Variants in ANK3 observed in about 807,000 individuals in gnomAD.
ANK3 encodes the protein ankyrin-3.
A neutral mutation model predicts 370.9 loss-of-function variants in ANK3; 57 were observed. The observed-to-expected ratio is 0.15, with a 90% CI of 0.12 to 0.19. The LOEUF (loss-of-function observed/expected upper bound fraction) is 0.19, where lower values mean the gene tolerates loss of function less well. Ranked by LOEUF, ANK3 falls within the 10% of genes least tolerant of loss-of-function variation. The pLI, the probability that ANK3 is intolerant of heterozygous loss-of-function variation, is 1.00. For missense variants in ANK3, 4,439 were observed against 5,302.1 expected (o/e 0.84, Z 5.06); for synonymous variants, 1,929 against 1,946.3 (o/e 0.99, Z 0.23).
intron 10 of ANK3, among the ~76,000 whole-genome samples, chr10:60,206,291 G>A (rs1395131957): frequency 1.3e-5 from 2 of 152,020 alleles, no homozygotes; most frequent in Admixed American, 6.6e-5. Context: ...TGGCCAACAC[G>A]GTGAAACCCC....
intron 8 of ANK3, among the ~76,000 whole-genome samples, chr10:60,218,720 T>C (rs1031807765): frequency 3.3e-5 from 5 of 152,120 alleles, no homozygotes; most frequent in African/African-American, 1.2e-4. Context: ...TAACAGTTTT[T>C]CCTTCATTTA....
At chr10:60,666,567 G>C (rs760558777) in intron 1 of ANK3, among the ~76,000 whole-genome samples, 67 of 152,006 alleles carry the variant, frequency 4.4e-4, no homozygotes, top group Non-Finnish European at 6.9e-4. Context: ...TAGTTAAGAT[G>C]GTGACTTTTA....
At chr10:60,232,412 T>C (rs1592143661) in intron 8 of ANK3, among the ~76,000 whole-genome samples, 1 of 152,212 alleles carries the variant, frequency 6.6e-6, no homozygotes, top group Non-Finnish European at 1.5e-5. Flanking sequence ...AATGCATCTC[T>C]ACTTTTTATT....
At chr10:60,721,582 G>T (rs2132025322) in intron 1 of ANK3, among the ~76,000 whole-genome samples, 1 of 152,244 alleles carries the variant, frequency 6.6e-6, no homozygotes, top group Non-Finnish European at 1.5e-5. Flanking sequence ...AACAAAGATT[G>T]GATTCAATGG....
At chr10:60,486,309 T>C (rs140656002) in intron 2 of ANK3, among the ~76,000 whole-genome samples, 3,347 of 152,342 alleles carry the variant, frequency 0.022, 46 homozygotes, top group Non-Finnish European at 0.035. Flanking sequence ...TCAGGCGCAA[T>C]GGCTCATGCC....
intron 8 of ANK3, among the ~76,000 whole-genome samples, chr10:60,226,050 T>G (rs1311344479): frequency 7.0e-6 from 1 of 142,862 alleles, no homozygotes; most frequent in Non-Finnish European, 1.5e-5. Flanking sequence ...TAATAGAGAG[T>G]GTATATAGTA....
chr10:60,123,127 C>T (rs2093588923), intron 25 of ANK3, among the ~76,000 whole-genome samples: 1 of 152,140 alleles, frequency 6.6e-6, no homozygotes, highest in Non-Finnish European at 1.5e-5. Context: ...AATACGAAGT[C>T]AACACCTAGC....
chr10:60,333,133 T>C (rs1251167108), intron 1 of ANK3, among the ~76,000 whole-genome samples: 1 of 152,172 alleles, frequency 6.6e-6, no homozygotes, highest in South Asian at 2.1e-4. Flanking sequence ...CAAATTTCCA[T>C]AGTGTGTTTT....
chr10:60,341,731 G>A (rs1300749436), intron 1 of ANK3, among the ~76,000 whole-genome samples: 1 of 152,140 alleles, frequency 6.6e-6, no homozygotes, highest in South Asian at 2.1e-4. Flanking sequence ...AGCACTGAGT[G>A]ATTGGTTTTT....
intron 2 of ANK3, among the ~76,000 whole-genome samples, chr10:60,395,016 T>G (rs1251038157): frequency 2.0e-5 from 3 of 152,200 alleles, no homozygotes; most frequent in South Asian, 2.1e-4. Context: ...ATGTGAGTAG[T>G]GTAACTGGAG....
chr10:60,032,201 T>TTTTTTTTTTTTTTTG, intron 43 of ANK3, among the ~76,000 whole-genome samples: 1 of 115,590 alleles, frequency 8.7e-6, no homozygotes, highest in Non-Finnish European at 1.9e-5. Flanking sequence ...CTTCTTTTTT[T>TTTTTTTTTTTTTTTG]TTTTTTTTTT....
intron 42 of ANK3, among the ~76,000 whole-genome samples, chr10:60,052,669 T>C (rs1003979327): frequency 6.6e-6 from 1 of 152,172 alleles, no homozygotes. Context: ...TTAGATGCCA[T>C]GGGGAAGAGT....
intron 1 of ANK3, among the ~76,000 whole-genome samples, chr10:60,627,467 G>A (rs958762295): frequency 3.3e-5 from 5 of 151,946 alleles, no homozygotes; most frequent in African/African-American, 9.7e-5. Context: ...CCTCTACACA[G>A]GGAATAAAGG....
intron 8 of ANK3, among the ~76,000 whole-genome samples, chr10:60,221,798 C>A (rs2097063914): frequency 6.6e-6 from 1 of 152,168 alleles, no homozygotes; most frequent in South Asian, 2.1e-4. Context: ...ACACTTGCAG[C>A]CACTCTTAGC....
intron 16 of ANK3, among the ~76,000 whole-genome samples, chr10:60,194,520 C>T (rs1327933220): frequency 6.6e-6 from 1 of 152,182 alleles, no homozygotes; most frequent in Admixed American, 6.5e-5. Context: ...CCTTTTGTGG[C>T]TGGCTTACTT....
At chr10:60,625,219 G>A (rs1379652462) in intron 1 of ANK3, among the ~76,000 whole-genome samples, 1 of 152,136 alleles carries the variant, frequency 6.6e-6, no homozygotes, top group East Asian at 1.9e-4. Flanking sequence ...GAGTAGAGAA[G>A]ACATCTTGGA....
In ANK3 at chr10:60,406,965, G is replaced by A. The variant is rs1269154829; in HGVS notation, c.97-127326C>T. On this transcript the variant is annotated intron_variant, in intron 2 of 43. Coordinates refer to the ANK3 transcript ENST00000373827. ...TAATGTCATTTGACCAAATTAATCA[G>A]CCATAATAGATCTTTTGTTCAGTAA... Among the ~76,000 whole-genome samples, 4 of 152,126 alleles carry A rather than the reference G, an allele frequency of 2.6e-5. No individual in the cohort carries two copies. The East Asian group carries it at 7.7e-4, about 29-fold the overall frequency.
intron 1 of ANK3, among the ~76,000 whole-genome samples, chr10:60,680,173 G>GA (rs60526712): frequency 6.0e-5 from 9 of 148,796 alleles, no homozygotes; most frequent in Admixed American, 1.3e-4. Flanking sequence ...AGAATAAAAG[G>GA]AAAAAAAAAT....
intron 1 of ANK3, among the ~76,000 whole-genome samples, chr10:60,320,309 ATGGGCCTGGTATGGTGGCTCATGCCT>A (rs1359405201): frequency 6.6e-6 from 1 of 152,186 alleles, no homozygotes; most frequent in Non-Finnish European, 1.5e-5. Context: ...AAAAAGCACC[ATGGGCCTGGTATGGTGGCTCATGCCT>A]CTAATCCCAG....
Sources: allele counts gnomAD v4.1 joint callset (sites outside exome capture counted in the v4.1 genomes callset), GRCh38; gene constraint gnomAD v4.1.1; transcripts MANE v1.5; gene names NCBI Gene and HGNC (gene_info 2026-07-23, HGNC 2026-07-21).